The following THRB variants were observed in gnomAD, a reference collection of about 807,000 sequenced individuals.
The protein encoded by THRB is nuclear receptor subfamily 1 group A member 2.
A neutral mutation model predicts 47.8 loss-of-function variants in THRB; 12 were observed. That is an observed-to-expected ratio of 0.25 (90% CI 0.16 to 0.41). The LOEUF (loss-of-function observed/expected upper bound fraction) is 0.41. Among genes scored for constraint, THRB ranks in the 10% least tolerant of loss-of-function variants. The probability of loss-of-function intolerance (pLI) is 1.00; values close to 1 mark genes in which losing one functional copy is unlikely to be tolerated. For synonymous variants in THRB, 218 were observed against 212.2 expected (o/e 1.03, Z -0.24); for missense variants, 348 against 589.2 (o/e 0.59, Z 4.24).
chr3:24,190,052 G>T, intron 5 of THRB, 22 bp downstream of exon 5: 1 of 1,612,560 alleles, frequency 6.2e-7, no homozygotes, highest in South Asian at 1.1e-5. Flanking sequence ...ACATGATAAT[G>T]GGCTAATAAA....
chr3:24,349,196 T>C (rs908748664), intron 1 of THRB, among the ~76,000 whole-genome samples: 5 of 152,078 alleles, frequency 3.3e-5, no homozygotes, highest in Admixed American at 2.6e-4. Flanking sequence ...AAAACTTTAC[T>C]GAGAAAAAGC....
chr3:24,415,115 G>A (rs1166538665), intron 1 of THRB, among the ~76,000 whole-genome samples: 2 of 151,764 alleles, frequency 1.3e-5, no homozygotes, highest in Non-Finnish European at 2.9e-5. Flanking sequence ...CAAAGGCAAG[G>A]CATACTTAAA....
chr3:24,224,147 T>C (rs2047423007), intron 4 of THRB, among the ~76,000 whole-genome samples: 1 of 152,080 alleles, frequency 6.6e-6, no homozygotes, highest in African/African-American at 2.4e-5. Flanking sequence ...CTTTGACCCA[T>C]CATTTCCTTT....
chr3:24,427,170 A>G (rs955244530), intron 1 of THRB, among the ~76,000 whole-genome samples: 5 of 151,958 alleles, frequency 3.3e-5, no homozygotes, highest in African/African-American at 9.7e-5. Context: ...ATGAAAACCC[A>G]CCTTCCCTAA....
chr3:24,196,358 A>T (rs1396862528), intron 4 of THRB, among the ~76,000 whole-genome samples: 1 of 152,268 alleles, frequency 6.6e-6, no homozygotes, highest in African/African-American at 2.4e-5. Flanking sequence ...AAATAAAAAT[A>T]AAAAAAGTTG....
intron 3 of THRB, among the ~76,000 whole-genome samples, chr3:24,293,331 A>C (rs1216205994): frequency 6.6e-6 from 1 of 152,230 alleles, no homozygotes; most frequent in African/African-American, 2.4e-5. Flanking sequence ...GCCCCTAGCA[A>C]GAGAAAGAAA....
intron 2 of THRB, among the ~76,000 whole-genome samples, chr3:24,332,981 A>G (rs1308919263): frequency 1.3e-5 from 2 of 152,148 alleles, no homozygotes; most frequent in Non-Finnish European, 2.9e-5. Context: ...GTTACTCAGG[A>G]GGCTGAGGCA....
At chr3:24,194,671 T>G (rs533577761) in intron 4 of THRB, among the ~76,000 whole-genome samples, 22 of 152,338 alleles carry the variant, frequency 1.4e-4, no homozygotes, top group Admixed American at 1.3e-3. Flanking sequence ...CAAAGTGTTC[T>G]TTTGCAAAAG....
intron 6 of THRB, 36 bp from the exon 7 acceptor site, chr3:24,146,858 A>T: frequency 6.2e-7 from 1 of 1,604,594 alleles, no homozygotes. Context: ...CAACAGTTTC[A>T]TATTTTCTTG....
chr3:24,328,896 G>A lies in THRB; in HGVS notation c.-189+8404C>T, dbSNP rs185019214. Among the ~76,000 whole-genome samples, 519 of 152,072 alleles carry A rather than the reference G, an allele frequency of 3.4e-3. 4 individuals are homozygous for A. The highest frequency in any genetic ancestry group is 0.011 in the African/African-American group (447 of 41,496). On this transcript the variant is annotated intron_variant, in intron 2 of 10. Transcript: ENST00000646209. Reference sequence around the variant, plus strand: ...ATATCCAAACGCCTTAGACTTTCATGATCTGACTCTTGATGGTCAACTTTC... The same window carrying A: ...ATATCCAAACGCCTTAGACTTTCATAATCTGACTCTTGATGGTCAACTTTC...
intron 2 of THRB, among the ~76,000 whole-genome samples, chr3:24,306,940 T>C (rs911253817): frequency 2.0e-5 from 3 of 152,012 alleles, no homozygotes; most frequent in African/African-American, 7.3e-5. Flanking sequence ...TCATATCTGG[T>C]TCTAAAAAAA....
At chr3:24,138,633 T>C (rs1457249116) in intron 8 of THRB, among the ~76,000 whole-genome samples, 1 of 152,224 alleles carries the variant, frequency 6.6e-6, no homozygotes, top group Non-Finnish European at 1.5e-5. Context: ...TACTAGATTA[T>C]CCTGCCTTCT....
intron 5 of THRB, among the ~76,000 whole-genome samples, chr3:24,166,914 G>T (rs1323058333): frequency 6.6e-6 from 1 of 152,024 alleles, no homozygotes; most frequent in African/African-American, 2.4e-5. Context: ...AAGTAAGGAG[G>T]GTATTACAGT....
At chr3:24,324,057 G>A (rs2058655039) in intron 2 of THRB, among the ~76,000 whole-genome samples, 1 of 152,118 alleles carries the variant, frequency 6.6e-6, no homozygotes, top group African/African-American at 2.4e-5. Flanking sequence ...CAGCCACCTT[G>A]GATACCACCC....
intron 4 of THRB, among the ~76,000 whole-genome samples, chr3:24,196,138 A>T (rs1195144803): frequency 2.0e-5 from 3 of 152,184 alleles, no homozygotes; most frequent in Non-Finnish European, 4.4e-5. Flanking sequence ...TTAGAAAGTG[A>T]TGTGGATGTA....
chr3:24,257,398 A>G (rs1216645404), intron 3 of THRB, among the ~76,000 whole-genome samples: 1 of 152,178 alleles, frequency 6.6e-6, no homozygotes, highest in Non-Finnish European at 1.5e-5. Context: ...GAAACTAAAT[A>G]TCTTAATTTT....
intron 4 of THRB, among the ~76,000 whole-genome samples, chr3:24,216,560 A>G (rs1478560996): frequency 6.6e-6 from 1 of 152,104 alleles, no homozygotes; most frequent in Non-Finnish European, 1.5e-5. Flanking sequence ...GTGAGCCGAG[A>G]TTGTGCCACT....
intron 9 of THRB, among the ~76,000 whole-genome samples, chr3:24,128,996 CA>C: frequency 6.7e-6 from 1 of 149,176 alleles, no homozygotes; most frequent in South Asian, 2.1e-4. Flanking sequence ...ACGCTCTTGG[CA>C]ATACTCAACC....
At chr3:24,355,299 CA>C (rs1490804437) in intron 1 of THRB, among the ~76,000 whole-genome samples, 2 of 151,968 alleles carry the variant, frequency 1.3e-5, no homozygotes, top group Non-Finnish European at 2.9e-5. Flanking sequence ...CCAAAAATAC[CA>C]AGGTCAGGAA....
Sources: gnomAD v4.1 joint callset for allele counts (sites outside exome capture counted in the v4.1 genomes callset) on GRCh38, gnomAD v4.1.1 for gene constraint, MANE v1.5 for transcripts, NCBI Gene and HGNC (gene_info 2026-07-23, HGNC 2026-07-21) for gene names.